The following EPHA5 variants were observed in gnomAD, a reference collection of about 807,000 sequenced individuals.
The protein encoded by EPHA5 is ephrin type-A receptor 5.
Under a neutral mutation model 105.0 loss-of-function variants are expected in EPHA5, and 60 were observed. That is an observed-to-expected ratio of 0.57 (90% confidence interval 0.46 to 0.71). The LOEUF is 0.71. Ranked by LOEUF, EPHA5 falls within the 30% of genes least tolerant of loss-of-function variation. The pLI is 0.00. For missense variants in EPHA5, 1,218 were observed against 1,274.7 expected, an observed-to-expected ratio of 0.96 and a Z score of 0.68; for synonymous variants, 513 against 449.1, an observed-to-expected ratio of 1.14 and a Z score of -1.80.
At chr4:65,609,156 T>A (rs1445747654) in intron 2 of EPHA5, among the ~76,000 whole-genome samples, 2 of 152,210 alleles carry the variant, frequency 1.3e-5, no homozygotes, top group African/African-American at 4.8e-5. Context: ...ATAAAACATG[T>A]AGCACAGTTT....
At chr4:65,534,615 A>G (rs1736121593) in intron 3 of EPHA5, among the ~76,000 whole-genome samples, 1 of 152,196 alleles carries the variant, frequency 6.6e-6, no homozygotes. Flanking sequence ...CATATCAATG[A>G]TATTCCATGC....
intron 3 of EPHA5, among the ~76,000 whole-genome samples, chr4:65,585,868 TG>T (rs1281893324): frequency 4.0e-5 from 6 of 151,776 alleles, no homozygotes; most frequent in Non-Finnish European, 8.8e-5. Context: ...CAAGTTTTAT[TG>T]TAAAATTAGT....
At chr4:65,498,806 G>A (rs891351185) in intron 3 of EPHA5, among the ~76,000 whole-genome samples, 2 of 151,610 alleles carry the variant, frequency 1.3e-5, no homozygotes, top group African/African-American at 4.8e-5. Context: ...AATGCAAATA[G>A]ATGTTTAGAG....
At chr4:65,474,478 GCAGAACAGGTCA>G (rs1400089263) in intron 5 of EPHA5, among the ~76,000 whole-genome samples, 4 of 152,162 alleles carry the variant, frequency 2.6e-5, no homozygotes, top group Non-Finnish European at 1.5e-5. Flanking sequence ...GCATCAGTTT[GCAGAACAGGTCA>G]TATCCTCAGG....
At chr4:65,520,970 T>C (rs184407948) in intron 3 of EPHA5, among the ~76,000 whole-genome samples, 62 of 152,292 alleles carry the variant, frequency 4.1e-4, no homozygotes, top group African/African-American at 1.5e-3. Flanking sequence ...AGTTTGGCGA[T>C]TCCTCAAGGA....
chr4:65,407,508 A>G (rs1282903633), intron 7 of EPHA5, among the ~76,000 whole-genome samples: 1 of 48,302 alleles, frequency 2.1e-5, no homozygotes, highest in Admixed American at 2.0e-4. Context: ...AAAGACTGTT[A>G]AAATGCTAAG....
intron 7 of EPHA5, among the ~76,000 whole-genome samples, chr4:65,408,863 T>A (rs1463074586): frequency 2.0e-5 from 3 of 151,884 alleles, no homozygotes; most frequent in African/African-American, 7.3e-5. Flanking sequence ...GGACTATAAA[T>A]CATGCTGCTA....
intron 1 of EPHA5, among the ~76,000 whole-genome samples, chr4:65,658,823 G>T (rs1177438961): frequency 1.3e-5 from 2 of 151,886 alleles, no homozygotes; most frequent in East Asian, 1.9e-4. Context: ...TAAGAAATTG[G>T]CTTTGATACT....
chr4:65,417,310 A>G (rs1723482508), intron 6 of EPHA5, among the ~76,000 whole-genome samples: 1 of 152,228 alleles, frequency 6.6e-6, no homozygotes, highest in South Asian at 2.1e-4. Flanking sequence ...GTCATTCTGA[A>G]AGCTCAAAAT....
At chr4:65,668,603 G>T (rs1288393380) in intron 1 of EPHA5, among the ~76,000 whole-genome samples, 2 of 152,102 alleles carry the variant, frequency 1.3e-5, no homozygotes, top group African/African-American at 2.4e-5. Context: ...GGTCCAAGAG[G>T]CAGGCGGACA....
intron 3 of EPHA5, among the ~76,000 whole-genome samples, chr4:65,598,068 GC>G (rs1743358396): frequency 6.6e-6 from 1 of 152,060 alleles, no homozygotes; most frequent in Non-Finnish European, 1.5e-5. Context: ...TCAAACTTTA[GC>G]TTCTCAATAA....
chr4:65,365,587 G>A (rs200084512), intron 10 of EPHA5, among the ~76,000 whole-genome samples: 23 of 135,172 alleles, frequency 1.7e-4, no homozygotes, highest in East Asian at 9.1e-4. Flanking sequence ...AGAAAAAAAG[G>A]AAACAATTTT....
intron 2 of EPHA5, among the ~76,000 whole-genome samples, chr4:65,638,834 T>C (rs191235267): frequency 6.6e-6 from 1 of 152,292 alleles, no homozygotes. Context: ...ACCCTCCTCT[T>C]ACCCAAGTTT....
At chr4:65,371,426 G>A (rs990851207) in intron 8 of EPHA5, among the ~76,000 whole-genome samples, 10 of 151,950 alleles carry the variant, frequency 6.6e-5, no homozygotes, top group Non-Finnish European at 1.2e-4. Context: ...TTTTTCTAAG[G>A]ATTTGGATAA....
At chr4:65,513,628 C>T (rs1481321099) in intron 3 of EPHA5, among the ~76,000 whole-genome samples, 1 of 152,200 alleles carries the variant, frequency 6.6e-6, no homozygotes, top group South Asian at 2.1e-4. Context: ...CCTTGTGATC[C>T]GCCTGCCTCT....
chr4:65,377,531 GTATTACT>G (rs1373654365), intron 8 of EPHA5, among the ~76,000 whole-genome samples: 7 of 151,776 alleles, frequency 4.6e-5, no homozygotes, highest in African/African-American at 9.7e-5. Flanking sequence ...TATGCCTGTG[GTATTACT>G]TATCATAGCC....
chr4:65,618,074 T>C (rs969988092), intron 2 of EPHA5, among the ~76,000 whole-genome samples: 1 of 152,134 alleles, frequency 6.6e-6, no homozygotes, highest in African/African-American at 2.4e-5. Context: ...ATTCCTATCT[T>C]GCCAGGGAAC....
chr4:65,465,446 AAGAAAGAAAGAAAAGAAAGAAAAAGAAAG>A (rs1728528987), intron 5 of EPHA5, among the ~76,000 whole-genome samples: 1 of 137,612 alleles, frequency 7.3e-6, no homozygotes, highest in African/African-American at 2.7e-5. Context: ...TAAAGAAAGA[AAGAAAGAAAGAAAAGAAAGAAAAAGAAAG>A]AAAGAAAGAA....
At position 65,632,014 on chromosome 4, in the gene EPHA5, A is replaced by G. The variant is rs532360697; in HGVS notation, c.246+11349T>C. Among the ~76,000 whole-genome samples the G allele has an allele frequency of 7.2e-5, 11 of 152,134 alleles. No individual in the cohort carries two copies. The South Asian group carries it at 2.3e-3, about 32-fold the overall frequency. On this transcript the variant is annotated intron_variant, in intron 2 of 16. Coordinates refer to ENST00000613740, the MANE Select transcript of EPHA5 (RefSeq NM_001281766.3). ...ATGCCAACATCACACTGAGTCCTCA[A>G]TATGGGTCAGGTATTGTGCTAAACA...
Sources: gnomAD v4.1 joint callset for allele counts (sites outside exome capture counted in the v4.1 genomes callset) on GRCh38, gnomAD v4.1.1 for gene constraint, MANE v1.5 for transcripts, NCBI Gene and HGNC (gene_info 2026-07-23, HGNC 2026-07-21) for gene names.